Variants in MYH7 observed in about 807,000 individuals in gnomAD.
MYH7 encodes myosin heavy chain 7.
Under a neutral mutation model 225.4 loss-of-function variants are expected in MYH7, and 129 were observed. That is an observed-to-expected ratio of 0.57 (90% CI 0.50 to 0.66). MYH7 has a LOEUF of 0.66. Ranked by LOEUF, MYH7 falls within the 30% of genes least tolerant of loss-of-function variation. MYH7 has a pLI of 0.00. For synonymous variants in MYH7, 971 were observed against 1,007.6 expected (o/e 0.96, Z 0.69); for missense variants, 1,649 against 2,517.0 (o/e 0.66, Z 7.38).
At chr14:23,422,379 T>C in intron 24 of MYH7, 54 bp from the exon 25 acceptor site, 1 of 1,613,140 alleles carries the variant, frequency 6.2e-7, no homozygotes, top group Non-Finnish European at 8.5e-7. Flanking sequence ...GACTTGGTGA[T>C]TTTGTTGTTC....
chr14:23,432,105 G>A (rs1029121494), intron 6 of MYH7, among the ~76,000 whole-genome samples: 1 of 152,238 alleles, frequency 6.6e-6, no homozygotes, highest in African/African-American at 2.4e-5. Context: ...GCTTGGCTGG[G>A]CAAAGTAAAC....
At position 23,432,703 on chromosome 14, in the gene MYH7, C is replaced by T. The variant is rs397516212; in HGVS notation, c.438G>A (p.Lys146=). The stretch of plus-strand genomic sequence containing the variant: ...AGATGTGGGGCGGGGCCTCGCTCCT[C>T]TTCTTGCCCCGGTAGGCAGCCACCA... ...PEVVAAYRGK[K]RSEAPPHIFS... The change falls in exon 5 of 40, where the codon AAG becomes AAA. Residue 146 remains lysine, a synonymous_variant. Transcript: ENST00000355349. 1.2e-6 allele frequency: 2 copies of T among 1,614,146 alleles called. No individual in the cohort carries two copies. Among genetic ancestry groups the T allele is most frequent in the Non-Finnish European group, 1.7e-6 (2 of 1,180,028 alleles).
intron 24 of MYH7, among the ~76,000 whole-genome samples, chr14:23,422,613 C>T (rs1468227663): frequency 1.8e-4 from 25 of 136,876 alleles, no homozygotes; most frequent in African/African-American, 4.8e-4. Flanking sequence ...TCTTTCTCTC[C>T]TTCCTTCCTT....
rs777672628 is a variant in MYH7, at chr14:23,427,744, A to G, written c.1729T>C (p.Phe577Leu). ...RNIKGKPEAHFSLIHYAGIVD... is the reference protein window; with the variant it reads ...RNIKGKPEAHLSLIHYAGIVD... The stretch of plus-strand genomic sequence containing the variant: ...ATGCCGGCATAGTGGATCAGGGAGA[A>G]GTGGGCTTCAGGCTTCCCCTTGATA... Residue 577 changes from phenylalanine to leucine, a missense_variant, in exon 16 of 40, where the codon TTC (phenylalanine) becomes CTC (leucine). Transcript: ENST00000355349. The G allele has an allele frequency of 1.2e-6, 2 of 1,614,158 alleles. No individual in the cohort carries two copies. Among genetic ancestry groups the G allele is most frequent in the South Asian group, 1.1e-5 (1 of 91,088 alleles).
chr14:23,432,955 C>A, intron 4 of MYH7, 129 bp downstream of exon 4: 1 of 1,519,866 alleles, frequency 6.6e-7, no homozygotes, highest in Non-Finnish European at 9.0e-7. Context: ...GGAATTGAAC[C>A]AAGGATGTTG....
chr14:23,428,764 G>A (rs1399301063), intron 14 of MYH7, 94 bp from the exon 15 acceptor site: 18 of 1,598,452 alleles, frequency 1.1e-5, no homozygotes, highest in African/African-American at 4.0e-5. Flanking sequence ...CCAGCAGGGC[G>A]TGGCTGGTCC....
At chr14:23,427,980 G>A in intron 15 of MYH7, 86 bp from the exon 16 acceptor site, 1 of 1,544,442 alleles carries the variant, frequency 6.5e-7, no homozygotes, top group Non-Finnish European at 8.9e-7. Flanking sequence ...CTTGCTCGTG[G>A]AGGTGCCATG....
chr14:23,428,078 G>C (rs1218933143), intron 15 of MYH7, among the ~76,000 whole-genome samples, 184 bp from the exon 16 acceptor site: 2 of 152,208 alleles, frequency 1.3e-5, no homozygotes, highest in Non-Finnish European at 2.9e-5. Context: ...TCTGATGACA[G>C]AAGGACCTTT....
chr14:23,417,921 A>G, intron 30 of MYH7: 2 of 869,920 alleles, frequency 2.3e-6, no homozygotes, highest in Non-Finnish European at 4.0e-6. Flanking sequence ...TTGAGGAGGT[A>G]TGGGCTTCTG....
At chr14:23,426,951 G>A in intron 17 of MYH7, 87 bp from the exon 18 acceptor site, 1 of 1,233,172 alleles carries the variant, frequency 8.1e-7, no homozygotes, top group African/African-American at 1.5e-5. Flanking sequence ...AAGGAAAAGA[G>A]AGATGGAGAG....
At position 23,417,696 on chromosome 14, in the gene MYH7, G is replaced by A. The variant is rs1406051265; in HGVS notation, c.4170-10C>T. Reference sequence around the variant, plus strand: ...CTGGGCCAGCTTCTTCCTGCCCAGGGGAGGGTGGCAGAGGGTGGGGAGGAT... The same window carrying A: ...CTGGGCCAGCTTCTTCCTGCCCAGGAGAGGGTGGCAGAGGGTGGGGAGGAT... On this transcript the variant is annotated splice_polypyrimidine_tract_variant and intron_variant, in intron 30 of 39. Coordinates refer to ENST00000355349, the MANE Select transcript of MYH7 (RefSeq NM_000257.4). 1.2e-6 allele frequency: 2 copies of A among 1,612,436 alleles called. No homozygotes were observed. The highest frequency in any genetic ancestry group is 1.7e-6 in the Non-Finnish European group (2 of 1,179,960).
Position 23,415,623 on chromosome 14 carries a change from G to C in MYH7, c.5157+6C>G, listed in dbSNP as rs1356428037. On this transcript the variant is annotated splice_donor_region_variant and intron_variant, in intron 35 of 39. Coordinates refer to ENST00000355349, the MANE Select transcript of MYH7 (RefSeq NM_000257.4). This position sits in a 1 kb window ranked among gnomAD's most constrained non-coding sequence, Gnocchi z 6.3. ...CCCTTCAGGAATGAGCAGGGGAGCTGCTCACCTGGGAATGCAGCAGCTGCA... is the reference window on the plus strand; with the variant it reads ...CCCTTCAGGAATGAGCAGGGGAGCTCCTCACCTGGGAATGCAGCAGCTGCA... The C allele has an allele frequency of 2.5e-6, 4 of 1,613,588 alleles. No homozygotes were observed. The highest frequency in any genetic ancestry group is 3.4e-6 in the Non-Finnish European group (4 of 1,180,026).
chr14:23,435,571 G>A (rs1274634531), intron 1 of MYH7, 49 bp downstream of exon 1: 1 of 152,446 alleles, frequency 6.6e-6, no homozygotes, highest in East Asian at 1.9e-4. Flanking sequence ...CCCTTCCTAA[G>A]CCTGGAGCCC....
In MYH7 at chr14:23,431,568, G is replaced by A. The variant is rs772997514; in HGVS notation, c.732+17C>T. 4.3e-6 allele frequency: 7 copies of A among 1,614,132 alleles called. No individual in the cohort carries two copies. The highest frequency in any genetic ancestry group is 2.2e-5 in the East Asian group (1 of 44,900). ...CCACCAGTCCAAGTCCCAAGGCCAA[G>A]GTCAGGGACCACTCACGAAGCGGGA... On this transcript the variant is annotated intron_variant, in intron 8 of 39. Coordinates refer to ENST00000355349, the MANE Select transcript of MYH7 (RefSeq NM_000257.4).
chr14:23,432,579 T>A, intron 5 of MYH7, 60 bp downstream of exon 5: 1 of 1,614,122 alleles, frequency 6.2e-7, no homozygotes, highest in Non-Finnish European at 8.5e-7. Flanking sequence ...CCCTTCCTTC[T>A]CCCTCTCCCT....
At position 23,417,919 on chromosome 14, in the gene MYH7, G is replaced by GT; in HGVS notation, c.4170-234dup. On this transcript the variant is annotated intron_variant, in intron 30 of 39. Coordinates refer to ENST00000355349, the MANE Select transcript of MYH7 (RefSeq NM_000257.4). Reference sequence around the variant, plus strand: ...CCTCTGCGCTATGGACATTGAGGAGGTATGGGCTTCTGCAGCCCTCCCCAC... The same window carrying GT: ...CCTCTGCGCTATGGACATTGAGGAGGTTATGGGCTTCTGCAGCCCTCCCCAC... 3.4e-6 allele frequency: 3 copies of GT among 870,328 alleles called. No individual in the cohort carries two copies. In the East Asian group the frequency reaches 7.2e-5, roughly 21 times the overall value. The allele number at this position is 870,328 out of a possible 1,614,324, so 53.9% of individuals were successfully genotyped here.
intron 13 of MYH7, 62 bp downstream of exon 13, chr14:23,429,167 C>T (rs1892819365): frequency 6.2e-7 from 1 of 1,613,984 alleles, no homozygotes; most frequent in Non-Finnish European, 8.5e-7. Flanking sequence ...CTTGAAAACT[C>T]TCATCCCACC....
chr14:23,426,955 T>A, intron 17 of MYH7, 91 bp from the exon 18 acceptor site: 1 of 1,040,224 alleles, frequency 9.6e-7, no homozygotes, highest in Non-Finnish European at 1.5e-6. Flanking sequence ...AAAAGAGAGA[T>A]GGAGAGAATT....
chr14:23,427,764 T>C lies in MYH7; in HGVS notation c.1709A>G (p.Lys570Arg), dbSNP rs770682343. Residue 570 changes from lysine (K) to arginine (R), a missense_variant, in exon 16 of 40, where the codon AAG becomes AGG. Physicochemically the swap from Lys to Arg is conservative, Grantham distance 26. Coordinates refer to ENST00000355349, the MANE Select transcript of MYH7 (RefSeq NM_000257.4). Reference protein sequence around the residue: ...SANFQKPRNIKGKPEAHFSLI... With the variant: ...SANFQKPRNIRGKPEAHFSLI... ...GGAGAAGTGGGCTTCAGGCTTCCCC[T>C]TGATATTGCGTGGCTTCTGGAAGTT... 4 of 1,614,164 alleles carry C rather than the reference T, an allele frequency of 2.5e-6. No homozygotes were observed. The highest frequency in any genetic ancestry group is 2.5e-6 in the Non-Finnish European group (3 of 1,180,040).
Sources: gnomAD v4.1 joint callset for allele counts (sites outside exome capture counted in the v4.1 genomes callset) on GRCh38, gnomAD v4.1.1 for gene constraint, Gnocchi (gnomAD v3.1) non-coding constraint, MANE v1.5 for transcripts, NCBI Gene and HGNC (gene_info 2026-07-23, HGNC 2026-07-21) for gene names.